Variants in PPP1R16B observed in about 807,000 individuals in gnomAD.
The protein encoded by PPP1R16B is protein phosphatase 1 regulatory subunit 16B.
In PPP1R16B, 14 loss-of-function variants were observed where a neutral mutation model predicts 61.7. That is an observed-to-expected ratio of 0.23 (90% CI 0.15 to 0.35). The LOEUF is 0.35. Ranked by LOEUF, PPP1R16B falls within the 10% of genes least tolerant of loss-of-function variation. PPP1R16B has a pLI of 1.00. For missense variants in PPP1R16B, 547 were observed against 752.5 expected (o/e 0.73, Z 3.19); for synonymous variants, 266 against 305.3 (o/e 0.87, Z 1.34).
chr20:38,858,207 G>A (rs1280667638), intron 2 of PPP1R16B, among the ~76,000 whole-genome samples: 1 of 152,074 alleles, frequency 6.6e-6, no homozygotes, highest in African/African-American at 2.4e-5. Flanking sequence ...TGGGGATAGG[G>A]CTTCGATGTA....
chr20:38,882,732 G>A (rs1281684962), intron 2 of PPP1R16B, among the ~76,000 whole-genome samples: 2 of 152,194 alleles, frequency 1.3e-5, no homozygotes, highest in Non-Finnish European at 2.9e-5. Flanking sequence ...AGTGTGGAGA[G>A]AATAGATGGG....
chr20:38,906,999 G>C lies in PPP1R16B; in HGVS notation c.843G>C (p.Leu281Phe). Residue 281 changes from leucine to phenylalanine, a missense_variant, in exon 8 of 11, where the codon TTG becomes TTC. Physicochemically the swap from Leu to Phe is conservative, Grantham distance 22. Coordinates refer to ENST00000299824, the MANE Select transcript of PPP1R16B (RefSeq NM_015568.4). Reference protein sequence around the residue: ...FWGQMQMAELLVSHGASLSAR... With the variant: ...FWGQMQMAELFVSHGASLSAR... Reference sequence around the variant, plus strand: ...TTCAGATGCAGATGGCAGAGCTATTGGTGTCCCATGGAGCTAGTCTCAGTG... The same window carrying C: ...TTCAGATGCAGATGGCAGAGCTATTCGTGTCCCATGGAGCTAGTCTCAGTG... 2 of 1,613,910 alleles carry C rather than the reference G, an allele frequency of 1.2e-6. No homozygotes were observed. The highest frequency in any genetic ancestry group is 1.7e-6 in the Non-Finnish European group (2 of 1,179,834).
chr20:38,861,891 C>T (rs1412674457), intron 2 of PPP1R16B, among the ~76,000 whole-genome samples: 9 of 151,934 alleles, frequency 5.9e-5, no homozygotes, highest in Admixed American at 4.6e-4. Context: ...CGGCCAGGCT[C>T]GTCTCGAACT....
intron 10 of PPP1R16B, 106 bp downstream of exon 10, chr20:38,908,299 C>T: frequency 7.3e-7 from 1 of 1,367,860 alleles, no homozygotes; most frequent in Non-Finnish European, 1.0e-6. Flanking sequence ...AGGGAAGTAG[C>T]CAGGCACTGC....
intron 2 of PPP1R16B, among the ~76,000 whole-genome samples, chr20:38,839,796 A>G (rs558248402): frequency 1.3e-3 from 194 of 152,210 alleles, no homozygotes; most frequent in Non-Finnish European, 2.4e-3. Flanking sequence ...ATTCCATAGT[A>G]TGGATTACCA....
intron 2 of PPP1R16B, among the ~76,000 whole-genome samples, chr20:38,856,807 G>A (rs538737488): frequency 7.9e-5 from 12 of 152,208 alleles, no homozygotes; most frequent in African/African-American, 1.2e-4. Context: ...CATAAGAGGC[G>A]TAGCCAGGAC....
chr20:38,860,569 G>A (rs1316413704), intron 2 of PPP1R16B, among the ~76,000 whole-genome samples: 4 of 152,208 alleles, frequency 2.6e-5, no homozygotes, highest in Non-Finnish European at 5.9e-5. Context: ...TGCAGGGGAG[G>A]GATCTGCAGG....
chr20:38,822,662 C>A (rs1391992484), intron 1 of PPP1R16B, among the ~76,000 whole-genome samples: 1 of 152,030 alleles, frequency 6.6e-6, no homozygotes, highest in Non-Finnish European at 1.5e-5. Flanking sequence ...ACTTTATTGC[C>A]TACCTCATAT....
At chr20:38,885,129 G>A (rs953160849) in intron 2 of PPP1R16B, among the ~76,000 whole-genome samples, 1 of 151,590 alleles carries the variant, frequency 6.6e-6, no homozygotes, top group Non-Finnish European at 1.5e-5. Context: ...TGAGATGGGA[G>A]GATTGCTTGA....
At chr20:38,867,783 C>T (rs1031753432) in intron 2 of PPP1R16B, among the ~76,000 whole-genome samples, 4 of 152,110 alleles carry the variant, frequency 2.6e-5, no homozygotes. Flanking sequence ...AGCAATTCTC[C>T]TACCTCAGCC....
In PPP1R16B at chr20:38,810,462, T is replaced by C. The variant is rs1030976317; in HGVS notation, c.-102+4670T>C. Among the ~76,000 whole-genome samples, 18 of 152,354 alleles carry C rather than the reference T, an allele frequency of 1.2e-4. No homozygotes were observed. In the East Asian group the frequency reaches 3.3e-3, roughly 28 times the overall value. ...TTGCATGGGAGGAAGGGCTGGTCTC[T>C]GCTCAACTATCCATACATTCACCAT... On this transcript the variant is annotated intron_variant, in intron 1 of 10. Transcript: ENST00000299824.
chr20:38,838,469 CT>C (rs1470782147), intron 2 of PPP1R16B: 1 of 152,320 alleles, frequency 6.6e-6, no homozygotes, highest in African/African-American at 2.4e-5. Flanking sequence ...AGAGGCATCC[CT>C]GGAACCACTC....
intron 2 of PPP1R16B, among the ~76,000 whole-genome samples, chr20:38,875,213 C>T (rs1258988141): frequency 6.6e-6 from 1 of 152,228 alleles, no homozygotes; most frequent in African/African-American, 2.4e-5. Flanking sequence ...ACATCCTGTC[C>T]TGGTCCTCTC....
At chr20:38,841,772 T>C (rs2084910797) in intron 2 of PPP1R16B, among the ~76,000 whole-genome samples, 1 of 152,238 alleles carries the variant, frequency 6.6e-6, no homozygotes, top group Non-Finnish European at 1.5e-5. Flanking sequence ...CTTCATTCCT[T>C]TTCATTGCCC....
At chr20:38,858,344 A>C (rs557895078) in intron 2 of PPP1R16B, among the ~76,000 whole-genome samples, 38 of 152,036 alleles carry the variant, frequency 2.5e-4, no homozygotes, top group African/African-American at 9.2e-4. Flanking sequence ...AATTCTCTGG[A>C]ATTTGTGTCC....
intron 4 of PPP1R16B, among the ~76,000 whole-genome samples, chr20:38,898,381 C>G (rs982515236): frequency 7.2e-5 from 11 of 152,154 alleles, no homozygotes; most frequent in Non-Finnish European, 1.5e-4. Context: ...CTGTTTGATG[C>G]TAGAGTTTTG....
rs769626122 is a variant in PPP1R16B at position 38,900,587 on chromosome 20, C to T, written c.474C>T (p.Ala158=). The change falls in exon 5 of 11, where the codon GCC becomes GCT. Residue 158 remains alanine, a synonymous_variant. Transcript: ENST00000299824. ...CCTGCCTCTTTCTCTGCAGTGGGGCCGACTTGCTTGCTGTCAACTCGGATG... is the reference window on the plus strand; with the variant it reads ...CCTGCCTCTTTCTCTGCAGTGGGGCTGACTTGCTTGCTGTCAACTCGGATG... ...NLVKILVQYG[A]DLLAVNSDGN... is the part of the protein sequence containing the mutation. 9 of 1,601,820 alleles carry T rather than the reference C, an allele frequency of 5.6e-6. No homozygotes were observed. Among genetic ancestry groups the T allele is most frequent in the Admixed American group, 5.2e-5 (3 of 58,146 alleles).
chr20:38,889,013 C>A (rs2085270172), intron 2 of PPP1R16B, among the ~76,000 whole-genome samples: 1 of 151,912 alleles, frequency 6.6e-6, no homozygotes, highest in South Asian at 2.1e-4. Context: ...AAAGAAGGGG[C>A]ATTTGACACC....
intron 1 of PPP1R16B, among the ~76,000 whole-genome samples, chr20:38,808,957 C>T (rs1457421645): frequency 1.3e-5 from 2 of 151,828 alleles, no homozygotes; most frequent in African/African-American, 2.4e-5. Context: ...TGCTTGAACC[C>T]GGGAGCAGGA....
Sources: allele counts gnomAD v4.1 joint callset (sites outside exome capture counted in the v4.1 genomes callset), GRCh38; gene constraint gnomAD v4.1.1; transcripts MANE v1.5; gene names NCBI Gene and HGNC (gene_info 2026-07-23, HGNC 2026-07-21).